PPFIA2: variants seen among roughly 807,000 people sequenced by gnomAD.
The protein encoded by PPFIA2 is liprin-alpha-2.
A neutral mutation model predicts 175.5 loss-of-function variants in PPFIA2; 46 were observed. The observed-to-expected ratio is 0.26, with a 90% CI of 0.21 to 0.34. PPFIA2 has a LOEUF of 0.34. Among genes scored for constraint, PPFIA2 ranks in the 10% least tolerant of loss-of-function variants. The probability of loss-of-function intolerance (pLI) is 1.00; values close to 1 mark genes in which losing one functional copy is unlikely to be tolerated. For missense variants in PPFIA2, 1,179 were observed against 1,506.1 expected (o/e 0.78, Z 3.60); for synonymous variants, 568 against 511.4 (o/e 1.11, Z -1.49).
intron 3 of PPFIA2, among the ~76,000 whole-genome samples, chr12:81,708,900 A>C (rs2077537013): frequency 1.3e-5 from 2 of 152,194 alleles, no homozygotes; most frequent in Admixed American, 1.3e-4. Flanking sequence ...TCAGGCAGGC[A>C]ATGCTAAAGG....
chr12:81,410,328 C>A (rs2043705736), intron 7 of PPFIA2, among the ~76,000 whole-genome samples: 1 of 152,094 alleles, frequency 6.6e-6, no homozygotes, highest in Non-Finnish European at 1.5e-5. Flanking sequence ...AAATGGCTCC[C>A]CTTTTAAATT....
At chr12:81,701,769 A>G (rs540140287) in intron 3 of PPFIA2, among the ~76,000 whole-genome samples, 2 of 152,248 alleles carry the variant, frequency 1.3e-5, no homozygotes, top group Non-Finnish European at 2.9e-5. Flanking sequence ...ATAGTAATAC[A>G]GTTCTCCATT....
intron 4 of PPFIA2, among the ~76,000 whole-genome samples, chr12:81,674,693 A>G (rs920001633): frequency 6.6e-6 from 1 of 152,056 alleles, no homozygotes; most frequent in Non-Finnish European, 1.5e-5. Context: ...AATTTTAAAA[A>G]GGAGAAAATT....
chr12:81,277,700 G>T (rs1565872638), intron 27 of PPFIA2, among the ~76,000 whole-genome samples: 1 of 152,100 alleles, frequency 6.6e-6, no homozygotes, highest in African/African-American at 2.4e-5. Context: ...CTTTCATTTA[G>T]CTATTCCTAC....
chr12:81,602,960 G>A (rs968061369), intron 4 of PPFIA2, among the ~76,000 whole-genome samples: 2 of 151,806 alleles, frequency 1.3e-5, no homozygotes, highest in Admixed American at 6.6e-5. Flanking sequence ...ATACGTTTCC[G>A]GTGGTTGATA....
chr12:81,394,284 G>A (rs932639010), intron 8 of PPFIA2, among the ~76,000 whole-genome samples: 2 of 151,852 alleles, frequency 1.3e-5, no homozygotes, highest in Admixed American at 6.6e-5. Flanking sequence ...TGGATTACTT[G>A]GGCTCTTATA....
chr12:81,576,189 G>A (rs1291512986), intron 4 of PPFIA2, among the ~76,000 whole-genome samples: 1 of 151,634 alleles, frequency 6.6e-6, no homozygotes, highest in African/African-American at 2.4e-5. Flanking sequence ...CAATAAAGCA[G>A]AAGAAAAGAA....
At chr12:81,468,076 C>T (rs1257211850) in intron 4 of PPFIA2, among the ~76,000 whole-genome samples, 2 of 152,270 alleles carry the variant, frequency 1.3e-5, no homozygotes, top group South Asian at 2.1e-4. Context: ...TGCTCCATCT[C>T]CCCTTCATTT....
chr12:81,695,929 G>A (rs1308309825), intron 3 of PPFIA2, among the ~76,000 whole-genome samples: 1 of 152,056 alleles, frequency 6.6e-6, no homozygotes, highest in Non-Finnish European at 1.5e-5. Context: ...CCCCCAAAAT[G>A]AGACAAATTT....
At chr12:81,592,127 C>T (rs576239564) in intron 4 of PPFIA2, among the ~76,000 whole-genome samples, 241 of 152,212 alleles carry the variant, frequency 1.6e-3, no homozygotes, top group Non-Finnish European at 2.3e-3. Flanking sequence ...TTTGACTGCC[C>T]TGCTGGATTT....
At chr12:81,604,739 C>T (rs767471097) in intron 4 of PPFIA2, among the ~76,000 whole-genome samples, 8 of 151,546 alleles carry the variant, frequency 5.3e-5, no homozygotes, top group African/African-American at 1.5e-4. Flanking sequence ...CAGACCACTA[C>T]CAAAAATTTC....
chr12:81,563,449 A>T (rs2070627556), intron 4 of PPFIA2, among the ~76,000 whole-genome samples: 2 of 152,178 alleles, frequency 1.3e-5, no homozygotes, highest in South Asian at 4.1e-4. Context: ...AAGCTTGTGG[A>T]ACTTGCTTGT....
chr12:81,588,583 CA>C (rs1445235859), intron 4 of PPFIA2, among the ~76,000 whole-genome samples: 1 of 152,062 alleles, frequency 6.6e-6, no homozygotes. Context: ...TATTGTTTTC[CA>C]AACGGCTCCT....
chr12:81,524,979 T>G (rs2063572889), intron 4 of PPFIA2, among the ~76,000 whole-genome samples: 1 of 152,176 alleles, frequency 6.6e-6, no homozygotes, highest in South Asian at 2.1e-4. Context: ...CAACTATCTA[T>G]GAAACAGAAA....
At chr12:81,445,344 T>C (rs941427481) in intron 6 of PPFIA2, among the ~76,000 whole-genome samples, 3 of 151,986 alleles carry the variant, frequency 2.0e-5, no homozygotes, top group Non-Finnish European at 2.9e-5. Flanking sequence ...AAGCCATAGA[T>C]TCAGTGGTTT....
intron 9 of PPFIA2, among the ~76,000 whole-genome samples, chr12:81,383,518 A>T: frequency 6.6e-6 from 1 of 152,076 alleles, no homozygotes; most frequent in East Asian, 1.9e-4. Flanking sequence ...CATTTTTTTA[A>T]GTAGAAAAAG....
intron 8 of PPFIA2, among the ~76,000 whole-genome samples, chr12:81,404,637 G>T (rs1403426705): frequency 2.0e-5 from 3 of 152,094 alleles, no homozygotes; most frequent in Non-Finnish European, 4.4e-5. Flanking sequence ...AAAATACATG[G>T]ATAAAGGCTA....
At chr12:81,306,884 C>A (rs548359750) in intron 22 of PPFIA2, among the ~76,000 whole-genome samples, 1 of 152,150 alleles carries the variant, frequency 6.6e-6, no homozygotes, top group Admixed American at 6.5e-5. Flanking sequence ...TCTAAAGCCC[C>A]TTCAGTCTTT....
At chr12:81,727,786 A>C (rs945895355) in intron 3 of PPFIA2, among the ~76,000 whole-genome samples, 3 of 151,444 alleles carry the variant, frequency 2.0e-5, no homozygotes, top group African/African-American at 7.3e-5. Context: ...AGAGATTTAT[A>C]TAATACATTT....
Sources: gnomAD v4.1 joint callset for allele counts (sites outside exome capture counted in the v4.1 genomes callset) on GRCh38, gnomAD v4.1.1 for gene constraint, MANE v1.5 for transcripts, NCBI Gene and HGNC (gene_info 2026-07-23, HGNC 2026-07-21) for gene names.